LINGO2: variants seen among roughly 807,000 people sequenced by gnomAD.
LINGO2 encodes leucine rich repeat and Ig domain containing 2, also known as leucine-rich repeat and immunoglobulin-like domain-containing nogo receptor-interacting protein 2.
A neutral mutation model predicts 30.6 loss-of-function variants in LINGO2; 14 were observed. The observed-to-expected ratio is 0.46, with a 90% confidence interval of 0.30 to 0.72. LINGO2 has a LOEUF of 0.72. Ranked by LOEUF, LINGO2 falls within the 30% of genes least tolerant of loss-of-function variation. The probability of loss-of-function intolerance (pLI) is 0.07; values close to 1 mark genes in which losing one functional copy is unlikely to be tolerated. For missense variants in LINGO2, 729 were observed against 751.7 expected (o/e 0.97, Z 0.35); for synonymous variants, 317 against 288.5 (o/e 1.10, Z -1.00).
rs183555988 is a variant in LINGO2 at position 28,122,065 on chromosome 9, T to C, written c.-86-109660A>G. Among the ~76,000 whole-genome samples, 31 of 152,286 alleles carry C rather than the reference T, an allele frequency of 2.0e-4. 1 individual carries two copies. In the East Asian group the frequency reaches 4.1e-3, roughly 20 times the overall value. ...CAGAGCTGGGAGAGGACTTAATTCCTGGTGTTCACAAAACTAGCGCATGAT... is the reference window on the plus strand; with the variant it reads ...CAGAGCTGGGAGAGGACTTAATTCCCGGTGTTCACAAAACTAGCGCATGAT... On this transcript the variant is annotated intron_variant, in intron 4 of 5. Transcript: ENST00000379992.
chr9:28,458,957 T>C (rs2135110665), intron 2 of LINGO2, among the ~76,000 whole-genome samples: 1 of 136,998 alleles, frequency 7.3e-6, no homozygotes, highest in South Asian at 2.6e-4. Flanking sequence ...CTGTTAAAGG[T>C]ATATAGAGCC....
chr9:28,861,141 T>A, the LINGO2 span, among the ~76,000 whole-genome samples: 1 of 117,290 alleles, frequency 8.5e-6, no homozygotes, highest in Admixed American at 1.1e-4. Context: ...TATAAATTTT[T>A]ATATAATTTA....
intron 4 of LINGO2, among the ~76,000 whole-genome samples, chr9:28,120,173 A>C (rs2133393474): frequency 6.6e-6 from 1 of 152,298 alleles, no homozygotes; most frequent in Non-Finnish European, 1.5e-5. Context: ...TAGACCATAA[A>C]AGCCTCGGCT....
intron 2 of LINGO2, among the ~76,000 whole-genome samples, chr9:28,417,486 A>G (rs1823010737): frequency 6.6e-6 from 1 of 152,232 alleles, no homozygotes; most frequent in African/African-American, 2.4e-5. Context: ...TATAGAAATA[A>G]TACACTACAT....
chr9:28,938,952 C>T, the LINGO2 span, among the ~76,000 whole-genome samples: 1 of 152,102 alleles, frequency 6.6e-6, no homozygotes, highest in Non-Finnish European at 1.5e-5. Flanking sequence ...AGAAACTGTT[C>T]AATAGCAGGA....
the LINGO2 span, among the ~76,000 whole-genome samples, chr9:28,864,354 AT>A: frequency 6.6e-6 from 1 of 152,134 alleles, no homozygotes; most frequent in Admixed American, 6.6e-5. Context: ...ATAAAACTAA[AT>A]TCTATATTAT....
chr9:28,712,454 T>C, the LINGO2 span, among the ~76,000 whole-genome samples: 2 of 151,096 alleles, frequency 1.3e-5, no homozygotes, highest in Non-Finnish European at 2.9e-5. Flanking sequence ...TATCTTTTCT[T>C]CTCAGACTGA....
chr9:28,401,415 C>G lies in LINGO2; in HGVS notation c.-278-28547G>C, dbSNP rs938369122. Among the ~76,000 whole-genome samples the G allele has an allele frequency of 2.6e-5, 4 of 152,070 alleles. No individual in the cohort carries two copies. The South Asian group carries it at 8.3e-4, about 31-fold the overall frequency. On this transcript the variant is annotated intron_variant, in intron 2 of 5. Coordinates refer to ENST00000379992, the Ensembl canonical transcript of LINGO2. The stretch of plus-strand genomic sequence containing the variant: ...GGTTTTTGGTTTCTGTGTTAGTTTG[C>G]TGAGGATGATGGCTTCCAGCTTCAT...
chr9:28,362,453 G>A (rs1820487454), intron 3 of LINGO2, among the ~76,000 whole-genome samples: 1 of 151,700 alleles, frequency 6.6e-6, no homozygotes, highest in Admixed American at 6.6e-5. Flanking sequence ...TAGAAGAGAA[G>A]TTATTTGGCT....
the LINGO2 span, among the ~76,000 whole-genome samples, chr9:28,856,474 T>A: frequency 2.6e-5 from 4 of 152,022 alleles, no homozygotes; most frequent in Non-Finnish European, 5.9e-5. Flanking sequence ...AGAGGACTTA[T>A]CTGGACTGTC....
chr9:28,659,959 G>A (rs1223055280), intron 1 of LINGO2, among the ~76,000 whole-genome samples: 1 of 152,166 alleles, frequency 6.6e-6, no homozygotes, highest in Non-Finnish European at 1.5e-5. Context: ...TAAATGTTCT[G>A]CAGGAGGAAG....
At chr9:28,350,044 C>T (rs956562881) in intron 3 of LINGO2, among the ~76,000 whole-genome samples, 1 of 151,886 alleles carries the variant, frequency 6.6e-6, no homozygotes, top group Admixed American at 6.6e-5. Context: ...GCTGCAAAAT[C>T]ATGCCAAAAT....
At position 28,332,297 on chromosome 9, in the gene LINGO2, C is replaced by T. The variant is rs1405361131; in HGVS notation, c.-245-36931G>A. The stretch of plus-strand genomic sequence containing the variant: ...GATGTCAAAGTAATTGTGGTCTTGC[C>T]GTCACTTTCAAAACCGCAATTACTT... On this transcript the variant is annotated intron_variant, in intron 3 of 5. Coordinates refer to ENST00000379992, the Ensembl canonical transcript of LINGO2. Among the ~76,000 whole-genome samples, 6 of 151,844 alleles carry T rather than the reference C, an allele frequency of 4.0e-5. No homozygotes were observed. In the East Asian group the frequency reaches 5.8e-4, roughly 15 times the overall value.
chr9:28,101,663 G>C (rs1045378632), intron 4 of LINGO2, among the ~76,000 whole-genome samples: 1 of 152,112 alleles, frequency 6.6e-6, no homozygotes, highest in Non-Finnish European at 1.5e-5. Flanking sequence ...ACGGACAAGG[G>C]AATATTTGTC....
At chr9:28,354,369 A>T (rs967300132) in intron 3 of LINGO2, among the ~76,000 whole-genome samples, 4 of 152,188 alleles carry the variant, frequency 2.6e-5, no homozygotes, top group Non-Finnish European at 4.4e-5. Flanking sequence ...TATAAAGCAA[A>T]TATGACATAA....
the LINGO2 span, among the ~76,000 whole-genome samples, chr9:28,703,409 T>C: frequency 1.3e-5 from 2 of 151,936 alleles, no homozygotes; most frequent in Admixed American, 6.6e-5. Context: ...TTATTCTCCA[T>C]TGGCATTTTC....
intron 4 of LINGO2, among the ~76,000 whole-genome samples, chr9:28,191,266 C>T (rs1472355377): frequency 6.6e-6 from 1 of 152,166 alleles, no homozygotes; most frequent in African/African-American, 2.4e-5. Context: ...CTACTATTTT[C>T]TTGACATTTG....
At chr9:28,781,308 A>G in the LINGO2 span, among the ~76,000 whole-genome samples, 1 of 152,132 alleles carries the variant, frequency 6.6e-6, no homozygotes, top group Non-Finnish European at 1.5e-5. Context: ...AGAAATTTCT[A>G]GATAGGGTTG....
the LINGO2 span, among the ~76,000 whole-genome samples, chr9:29,038,236 A>G: frequency 6.6e-6 from 1 of 152,096 alleles, no homozygotes; most frequent in Non-Finnish European, 1.5e-5. Flanking sequence ...TCCCACCATC[A>G]GTACATGAGT....
Sources: gnomAD v4.1 joint callset for allele counts (sites outside exome capture counted in the v4.1 genomes callset) on GRCh38, gnomAD v4.1.1 for gene constraint, MANE v1.5 for transcripts, NCBI Gene and HGNC (gene_info 2026-07-23, HGNC 2026-07-21) for gene names.